GRID1: variants seen among roughly 807,000 people sequenced by gnomAD.
GRID1 encodes the protein glutamate receptor ionotropic, delta-1.
GRID1 carries 28 observed loss-of-function variants against 98.0 expected under a neutral mutation model. The observed-to-expected ratio is 0.29, with a 90% CI of 0.21 to 0.39. GRID1 has a LOEUF of 0.39. Ranked by LOEUF, GRID1 falls within the 10% of genes least tolerant of loss-of-function variation. The pLI, the probability that GRID1 is intolerant of heterozygous loss-of-function variation, is 1.00. For missense variants in GRID1, 1,111 were observed against 1,340.5 expected (o/e 0.83, Z 2.67); for synonymous variants, 553 against 538.5 (o/e 1.03, Z -0.37).
chr10:86,010,928 T>C (rs1842917924), intron 4 of GRID1, among the ~76,000 whole-genome samples: 1 of 152,022 alleles, frequency 6.6e-6, no homozygotes, highest in Non-Finnish European at 1.5e-5. Context: ...AGATGAATCA[T>C]GAAGGCTATC....
intron 13 of GRID1, among the ~76,000 whole-genome samples, chr10:85,628,902 T>C (rs1329229407): frequency 1.3e-5 from 2 of 152,052 alleles, no homozygotes; most frequent in Admixed American, 6.6e-5. Flanking sequence ...CATCTAGCAG[T>C]GGGAAGGCCT....
chr10:85,805,288 A>T (rs1842613439), intron 8 of GRID1, among the ~76,000 whole-genome samples: 1 of 151,698 alleles, frequency 6.6e-6, no homozygotes, highest in South Asian at 2.1e-4. Context: ...CATAATACTA[A>T]ATTTAATAAG....
chr10:85,670,269 TG>T lies in GRID1; in HGVS notation c.1998-22873del, dbSNP rs569378886. Among the ~76,000 whole-genome samples, 26 of 152,176 alleles carry T rather than the reference TG, an allele frequency of 1.7e-4. No individual in the cohort carries two copies. In the East Asian group the frequency reaches 5.0e-3, roughly 29 times the overall value. The stretch of plus-strand genomic sequence containing the variant: ...AGCTACTAGGAATCCACTTGGAAAA[TG>T]ATGTTGTGTAGACGATTCAAAGACC... On this transcript the variant is annotated intron_variant, in intron 12 of 15. Coordinates refer to ENST00000327946, the MANE Select transcript of GRID1 (RefSeq NM_017551.3).
intron 4 of GRID1, among the ~76,000 whole-genome samples, chr10:86,054,275 C>A (rs1163036264): frequency 6.6e-6 from 1 of 152,116 alleles, no homozygotes; most frequent in Non-Finnish European, 1.5e-5. Flanking sequence ...GGGTGGGTAG[C>A]ACCCAGCAGG....
chr10:85,800,785 T>C (rs1842568143), intron 8 of GRID1, among the ~76,000 whole-genome samples: 1 of 152,036 alleles, frequency 6.6e-6, no homozygotes, highest in Admixed American at 6.6e-5. Flanking sequence ...TTAACTCTTC[T>C]AATCATCATA....
At chr10:86,109,447 T>A (rs1447839954) in intron 4 of GRID1, among the ~76,000 whole-genome samples, 1 of 152,208 alleles carries the variant, frequency 6.6e-6, no homozygotes, top group African/African-American at 2.4e-5. Flanking sequence ...TGAGGAACAA[T>A]GGCCTGCCTC....
chr10:85,888,373 C>T (rs1420083418), intron 5 of GRID1, among the ~76,000 whole-genome samples: 3 of 152,230 alleles, frequency 2.0e-5, no homozygotes, highest in Non-Finnish European at 2.9e-5. Context: ...AGGCTCTCTG[C>T]TCAGTTCTGG....
intron 8 of GRID1, among the ~76,000 whole-genome samples, chr10:85,805,888 A>T (rs1842619086): frequency 6.6e-6 from 1 of 151,912 alleles, no homozygotes; most frequent in Non-Finnish European, 1.5e-5. Context: ...AGACAAAAAC[A>T]TAGGGAAAAA....
chr10:86,090,184 G>A (rs908353157), intron 4 of GRID1, among the ~76,000 whole-genome samples: 5 of 151,882 alleles, frequency 3.3e-5, no homozygotes, highest in South Asian at 2.1e-4. Context: ...TTGGGAGGTC[G>A]AGGTGGGGGA....
At chr10:86,151,894 G>T (rs1845174624) in intron 3 of GRID1, among the ~76,000 whole-genome samples, 1 of 152,182 alleles carries the variant, frequency 6.6e-6, no homozygotes, top group Non-Finnish European at 1.5e-5. Flanking sequence ...TGATGGGACT[G>T]CCCCACACTA....
At chr10:86,343,751 C>G (rs1028479799) in intron 2 of GRID1, among the ~76,000 whole-genome samples, 1 of 152,240 alleles carries the variant, frequency 6.6e-6, no homozygotes, top group African/African-American at 2.4e-5. Flanking sequence ...CCATGGCACC[C>G]TGTGTCTGAT....
Position 85,803,940 on chromosome 10 carries a change from T to A in GRID1, c.1233+50556A>T, listed in dbSNP as rs192528140. ...ATAGTTCTGAATATTTATATTTTTT[T>A]AAAAGAGAAAGGTATACAGTCACTA... On this transcript the variant is annotated intron_variant, in intron 8 of 15. Transcript: ENST00000327946. 3.0e-3 allele frequency among the ~76,000 whole-genome samples: 461 copies of A among 152,012 alleles called. 7 individuals carry two copies. The East Asian group carries it at 0.058, about 19-fold the overall frequency.
intron 13 of GRID1, among the ~76,000 whole-genome samples, chr10:85,629,559 T>G (rs766586044): frequency 2.0e-5 from 3 of 152,232 alleles, no homozygotes; most frequent in Non-Finnish European, 4.4e-5. Context: ...CAAAAGACAT[T>G]ATTTTATTTT....
At chr10:85,809,601 C>T (rs995878970) in intron 8 of GRID1, among the ~76,000 whole-genome samples, 5 of 152,182 alleles carry the variant, frequency 3.3e-5, no homozygotes, top group African/African-American at 1.2e-4. Flanking sequence ...TTAGAAAGAC[C>T]TGCCACACAT....
chr10:85,653,253 T>C (rs1229874543), intron 12 of GRID1, among the ~76,000 whole-genome samples: 2 of 152,172 alleles, frequency 1.3e-5, no homozygotes, highest in East Asian at 1.9e-4. Flanking sequence ...AAAAATGCTA[T>C]GAAGATTAAT....
At chr10:86,120,973 A>G (rs57892162) in intron 4 of GRID1, among the ~76,000 whole-genome samples, 28,011 of 152,042 alleles carry the variant, frequency 0.18, 2,693 homozygotes, top group African/African-American at 0.21. Flanking sequence ...CCTAGTGCAG[A>G]CCACCACACT....
At chr10:85,887,622 CA>C (rs1841135651) in intron 5 of GRID1, among the ~76,000 whole-genome samples, 1 of 152,172 alleles carries the variant, frequency 6.6e-6, no homozygotes, top group African/African-American at 2.4e-5. Context: ...AGATATTATG[CA>C]GAGAAGTGAT....
intron 4 of GRID1, among the ~76,000 whole-genome samples, chr10:85,932,654 T>C (rs934349584): frequency 6.6e-6 from 1 of 152,206 alleles, no homozygotes; most frequent in Admixed American, 6.5e-5. Context: ...GGGATAAACA[T>C]GGGCAACCAA....
At chr10:86,207,315 A>G (rs1266803769) in intron 2 of GRID1, among the ~76,000 whole-genome samples, 1 of 152,230 alleles carries the variant, frequency 6.6e-6, no homozygotes, top group Non-Finnish European at 1.5e-5. Flanking sequence ...GGATTATTCA[A>G]AAGCCACTTG....
Sources: gnomAD v4.1 joint callset for allele counts (sites outside exome capture counted in the v4.1 genomes callset) on GRCh38, gnomAD v4.1.1 for gene constraint, MANE v1.5 for transcripts, NCBI Gene and HGNC (gene_info 2026-07-23, HGNC 2026-07-21) for gene names.